WWOX: variants seen among roughly 807,000 people sequenced by gnomAD.
The protein encoded by WWOX is WW domain-containing oxidoreductase.
WWOX carries 69 observed loss-of-function variants against 46.2 expected under a neutral mutation model. The ratio of observed to expected loss-of-function variants is 1.49; its 90% CI spans 1.23 to 1.82. The LOEUF (loss-of-function observed/expected upper bound fraction) is 1.82. Ranked by LOEUF, WWOX falls within the 40% of genes most tolerant of loss-of-function variation. The probability of loss-of-function intolerance (pLI) is 0.00; values close to 1 mark genes in which losing one functional copy is unlikely to be tolerated. For synonymous variants in WWOX, 359 were observed against 202.6 expected, an observed-to-expected ratio of 1.77 and a Z score of -6.56; for missense variants, 919 against 542.6, an observed-to-expected ratio of 1.69 and a Z score of -6.89.
At chr16:78,908,769 G>A (rs1472545528) in intron 8 of WWOX, among the ~76,000 whole-genome samples, 1 of 152,112 alleles carries the variant, frequency 6.6e-6, no homozygotes, top group East Asian at 1.9e-4. Context: ...GGAGCCACAA[G>A]ACCATATGAG....
intron 8 of WWOX, among the ~76,000 whole-genome samples, chr16:78,807,342 A>C (rs2051069344): frequency 6.6e-6 from 1 of 152,232 alleles, no homozygotes; most frequent in Non-Finnish European, 1.5e-5. Context: ...ACACCCAGTG[A>C]ATCTAAAACA....
intron 8 of WWOX, among the ~76,000 whole-genome samples, chr16:78,598,586 C>A (rs961923899): frequency 6.6e-6 from 1 of 152,080 alleles, no homozygotes; most frequent in African/African-American, 2.4e-5. Flanking sequence ...TCGGTGACGC[C>A]AACACACCTC....
At chr16:78,365,737 C>G (rs2081521831) in intron 5 of WWOX, among the ~76,000 whole-genome samples, 1 of 152,030 alleles carries the variant, frequency 6.6e-6, no homozygotes, top group Non-Finnish European at 1.5e-5. Context: ...CTCCTTATTT[C>G]TTGTTTTTTG....
intron 4 of WWOX, among the ~76,000 whole-genome samples, chr16:78,153,905 C>T (rs564673598): frequency 6.6e-6 from 1 of 152,298 alleles, no homozygotes; most frequent in East Asian, 1.9e-4. Flanking sequence ...TTCTTAGCTC[C>T]TACCTCTGTG....
chr16:78,210,308 G>A (rs1323343032), intron 5 of WWOX, among the ~76,000 whole-genome samples: 4 of 152,142 alleles, frequency 2.6e-5, no homozygotes, highest in East Asian at 1.9e-4. Flanking sequence ...GGGAAGCATC[G>A]GCTTCAGGCA....
intron 8 of WWOX, among the ~76,000 whole-genome samples, chr16:78,539,280 C>T (rs2043830851): frequency 6.6e-6 from 1 of 152,192 alleles, no homozygotes; most frequent in African/African-American, 2.4e-5. Context: ...TCTGCGTGAG[C>T]CTTGTCCTAC....
intron 8 of WWOX, among the ~76,000 whole-genome samples, chr16:78,533,427 C>T (rs531686336): frequency 0.014 from 2,132 of 151,334 alleles, 23 homozygotes; most frequent in African/African-American, 0.027. Flanking sequence ...AAAAAAAAAT[C>T]CCCAAAAAAT....
chr16:78,524,046 TGTG>T lies in WWOX; in HGVS notation c.1056+91298_1056+91300del, dbSNP rs762504214. On this transcript the variant is annotated intron_variant, in intron 8 of 8. Coordinates refer to ENST00000566780, the MANE Select transcript of WWOX (RefSeq NM_016373.4). Reference sequence around the variant, plus strand: ...GATCACATGGGAGCTTTCATTAAATTGTGGTGATTCCAATGTGAGTGGTTATCA... The same window carrying T: ...GATCACATGGGAGCTTTCATTAAATTGTGATTCCAATGTGAGTGGTTATCA... 5.9e-5 allele frequency among the ~76,000 whole-genome samples: 9 copies of T among 151,918 alleles called. No homozygotes were observed. The East Asian group carries it at 1.2e-3, about 20-fold the overall frequency.
intron 8 of WWOX, among the ~76,000 whole-genome samples, chr16:78,952,861 G>A (rs936239065): frequency 6.6e-6 from 1 of 152,206 alleles, no homozygotes; most frequent in Admixed American, 6.5e-5. Context: ...CGCTTTAGAG[G>A]CACTTGCTCA....
intron 8 of WWOX, among the ~76,000 whole-genome samples, chr16:79,171,325 C>G (rs1489190518): frequency 6.6e-6 from 1 of 152,228 alleles, no homozygotes; most frequent in African/African-American, 2.4e-5. Flanking sequence ...ATTACATACT[C>G]TCTTAATAGT....
At chr16:78,507,546 G>A (rs2085241748) in intron 8 of WWOX, among the ~76,000 whole-genome samples, 1 of 152,156 alleles carries the variant, frequency 6.6e-6, no homozygotes, top group African/African-American at 2.4e-5. Flanking sequence ...GAGACCCACT[G>A]CATGTCCTAT....
chr16:78,744,522 C>G (rs560374434), intron 8 of WWOX, among the ~76,000 whole-genome samples: 1 of 148,692 alleles, frequency 6.7e-6, no homozygotes, highest in African/African-American at 2.5e-5. Context: ...ACATCTGCCT[C>G]CTGGGTTCAA....
chr16:78,425,764 G>A (rs1282686200), intron 7 of WWOX, among the ~76,000 whole-genome samples: 4 of 152,242 alleles, frequency 2.6e-5, no homozygotes, highest in Non-Finnish European at 4.4e-5. Context: ...TTTAATACAT[G>A]TTAGGGAGAT....
intron 6 of WWOX, among the ~76,000 whole-genome samples, chr16:78,396,477 A>G (rs1343162421): frequency 1.3e-5 from 2 of 152,196 alleles, no homozygotes; most frequent in Admixed American, 6.5e-5. Context: ...TCAAAGTCAT[A>G]TATGTAAATT....
At chr16:78,314,709 T>TTG (rs1555517898) in intron 5 of WWOX, among the ~76,000 whole-genome samples, 2 of 77,414 alleles carry the variant, frequency 2.6e-5, no homozygotes, top group Middle Eastern at 8.2e-3. Context: ...TTGTTTTTTT[T>TTG]TTTTTTTTTT....
intron 7 of WWOX, among the ~76,000 whole-genome samples, chr16:78,431,862 A>G (rs1298224341): frequency 1.2e-4 from 19 of 152,024 alleles, no homozygotes; most frequent in Admixed American, 1.2e-3. Context: ...GACCACAGGC[A>G]TGTGCCAAAA....
intron 8 of WWOX, among the ~76,000 whole-genome samples, chr16:78,614,291 C>A (rs1183624498): frequency 6.6e-6 from 1 of 152,140 alleles, no homozygotes; most frequent in Non-Finnish European, 1.5e-5. Context: ...AATAGATGCA[C>A]AAAGCAGAGG....
At chr16:78,716,412 C>G (rs879566311) in intron 8 of WWOX, among the ~76,000 whole-genome samples, 2 of 152,086 alleles carry the variant, frequency 1.3e-5, no homozygotes, top group African/African-American at 4.8e-5. Context: ...TGTGCAGTAG[C>G]TTTCTGCAGC....
intron 8 of WWOX, among the ~76,000 whole-genome samples, chr16:78,454,636 G>C (rs1203075500): frequency 6.6e-6 from 1 of 152,088 alleles, no homozygotes. Context: ...CTCTTGAGTA[G>C]CTGGGATTAC....
Sources: gnomAD v4.1 joint callset for allele counts (sites outside exome capture counted in the v4.1 genomes callset) on GRCh38, gnomAD v4.1.1 for gene constraint, MANE v1.5 for transcripts, NCBI Gene and HGNC (gene_info 2026-07-23, HGNC 2026-07-21) for gene names.